TRPM3: variants seen among roughly 807,000 people sequenced by gnomAD.
TRPM3 encodes long transient receptor potential channel 3.
A neutral mutation model predicts 181.2 loss-of-function variants in TRPM3; 77 were observed. That is an observed-to-expected ratio of 0.42 (90% CI 0.35 to 0.51). The LOEUF (loss-of-function observed/expected upper bound fraction) is 0.51. Ranked by LOEUF, TRPM3 falls within the 20% of genes least tolerant of loss-of-function variation. The pLI is 0.01. For synonymous variants in TRPM3, 745 were observed against 796.4 expected, an observed-to-expected ratio of 0.94 and a Z score of 1.09; for missense variants, 1,759 against 2,196.7, an observed-to-expected ratio of 0.80 and a Z score of 3.98.
intron 1 of TRPM3, among the ~76,000 whole-genome samples, chr9:71,411,903 T>C (rs931327183): frequency 2.6e-5 from 4 of 152,082 alleles, no homozygotes; most frequent in African/African-American, 7.2e-5. Context: ...AACAGAGACA[T>C]AGACCAACGG....
intron 1 of TRPM3, among the ~76,000 whole-genome samples, chr9:70,952,174 A>G (rs2097009904): frequency 6.6e-6 from 1 of 152,204 alleles, no homozygotes; most frequent in Admixed American, 6.5e-5. Context: ...GGCATTAATG[A>G]AAACAGATTT....
intron 9 of TRPM3, among the ~76,000 whole-genome samples, chr9:70,676,249 G>A (rs2063969840): frequency 6.6e-6 from 1 of 152,160 alleles, no homozygotes; most frequent in Non-Finnish European, 1.5e-5. Flanking sequence ...GGAGGACAGT[G>A]ATCATCACAT....
At chr9:71,054,150 C>T (rs931896589) in intron 1 of TRPM3, among the ~76,000 whole-genome samples, 4 of 152,112 alleles carry the variant, frequency 2.6e-5, no homozygotes, top group African/African-American at 4.8e-5. Context: ...GACTTTTCAG[C>T]TTCCTCAGAT....
chr9:71,247,812 T>C (rs2082121852), intron 1 of TRPM3, among the ~76,000 whole-genome samples: 1 of 152,146 alleles, frequency 6.6e-6, no homozygotes, highest in Non-Finnish European at 1.5e-5. Flanking sequence ...CAGGCAGAAA[T>C]ATGAGATCCA....
At chr9:71,369,326 T>TA (rs1565505364) in intron 1 of TRPM3, among the ~76,000 whole-genome samples, 1 of 152,134 alleles carries the variant, frequency 6.6e-6, no homozygotes, top group African/African-American at 2.4e-5. Flanking sequence ...CTCCATGTAT[T>TA]AAAAAATCAG....
rs2040903845 is a variant in TRPM3 at position 70,531,725 on chromosome 9, A to G, written c.*4228T>C. ...ACAGCTAATTCAACTGGAGTTTAAA[A>G]TATCATTTTAAGTTCATTTGTCATA... On this transcript the variant is annotated 3_prime_UTR_variant, in exon 26 of 26. Transcript: ENST00000677713. 6.6e-6 allele frequency: 1 copy of G among 152,222 alleles called. No individual in the cohort carries two copies. Among genetic ancestry groups the G allele is most frequent in the Non-Finnish European group, 1.5e-5 (1 of 68,040 alleles). 9.4% of individuals were successfully genotyped at this position (152,222 alleles called of 1,614,324 possible).
intron 1 of TRPM3, among the ~76,000 whole-genome samples, chr9:71,349,735 A>G (rs1281487750): frequency 2.0e-5 from 3 of 152,030 alleles, no homozygotes; most frequent in Non-Finnish European, 4.4e-5. Context: ...CTCAGAAACT[A>G]TTAGACTATG....
chr9:71,133,434 G>T (rs913269222), intron 1 of TRPM3, among the ~76,000 whole-genome samples: 9 of 151,732 alleles, frequency 5.9e-5, no homozygotes, highest in African/African-American at 2.2e-4. Flanking sequence ...CGAGTAGCTG[G>T]AATTACAGGC....
chr9:71,407,737 A>G (rs996422386), intron 1 of TRPM3, among the ~76,000 whole-genome samples: 2 of 152,192 alleles, frequency 1.3e-5, no homozygotes, highest in Non-Finnish European at 2.9e-5. Flanking sequence ...TTCTCCCAGC[A>G]TGGTGGTTGA....
intron 22 of TRPM3, among the ~76,000 whole-genome samples, chr9:70,577,874 A>T (rs1269193584): frequency 2.0e-5 from 3 of 152,182 alleles, no homozygotes; most frequent in Non-Finnish European, 4.4e-5. Flanking sequence ...CTTGAACATT[A>T]TGTTCCTCAG....
chr9:70,626,487 A>G (rs2064639742), intron 12 of TRPM3, among the ~76,000 whole-genome samples: 1 of 152,192 alleles, frequency 6.6e-6, no homozygotes, highest in South Asian at 2.1e-4. Context: ...CACTTCACAG[A>G]AGACGTGCAT....
intron 1 of TRPM3, among the ~76,000 whole-genome samples, chr9:71,192,899 T>C (rs2078120182): frequency 6.6e-6 from 1 of 151,872 alleles, no homozygotes; most frequent in African/African-American, 2.4e-5. Flanking sequence ...ATTAACCAGC[T>C]TGATTGTGGT....
chr9:70,902,946 G>A (rs2096406712), intron 1 of TRPM3, among the ~76,000 whole-genome samples: 1 of 152,170 alleles, frequency 6.6e-6, no homozygotes, highest in Admixed American at 6.5e-5. Context: ...CTGGTGCAGG[G>A]CTTGCCACAA....
intron 22 of TRPM3, among the ~76,000 whole-genome samples, chr9:70,558,943 A>T (rs532500201): frequency 6.6e-6 from 1 of 152,376 alleles, no homozygotes; most frequent in African/African-American, 2.4e-5. Flanking sequence ...GAAATAGATG[A>T]TTGGGCTCTG....
chr9:71,272,658 A>G (rs2083890714), intron 1 of TRPM3, among the ~76,000 whole-genome samples: 1 of 152,132 alleles, frequency 6.6e-6, no homozygotes, highest in Admixed American at 6.5e-5. Flanking sequence ...TATGAAATTC[A>G]CCCATTTGTG....
chr9:70,698,301 C>A (rs1261704451), intron 8 of TRPM3, among the ~76,000 whole-genome samples: 1 of 152,102 alleles, frequency 6.6e-6, no homozygotes, highest in African/African-American at 2.4e-5. Context: ...AGCAAGCAGC[C>A]TCTGGAGTCA....
chr9:71,312,089 ACTT>A (rs1277482743), intron 1 of TRPM3, among the ~76,000 whole-genome samples: 1 of 152,154 alleles, frequency 6.6e-6, no homozygotes, highest in Non-Finnish European at 1.5e-5. Context: ...AAAATTTAAA[ACTT>A]CTTCTCTGTG....
intron 1 of TRPM3, among the ~76,000 whole-genome samples, chr9:71,168,620 ATTATT>A (rs1468991203): frequency 4.0e-5 from 3 of 74,584 alleles, no homozygotes; most frequent in East Asian, 4.7e-4. Flanking sequence ...TTTTTTTATT[ATTATT>A]TTTTTATTAT....
chr9:71,195,109 A>T (rs77623299), intron 1 of TRPM3, among the ~76,000 whole-genome samples: 2,136 of 152,204 alleles, frequency 0.014, 34 homozygotes, highest in Non-Finnish European at 0.023. Flanking sequence ...TATAAGTTTC[A>T]TGACGAAGAC....
Sources: allele counts gnomAD v4.1 joint callset (sites outside exome capture counted in the v4.1 genomes callset), GRCh38; gene constraint gnomAD v4.1.1; transcripts MANE v1.5; gene names NCBI Gene and HGNC (gene_info 2026-07-23, HGNC 2026-07-21).